NDUFS4: variants seen among roughly 807,000 people sequenced by gnomAD.
NDUFS4 encodes the protein NADH dehydrogenase [ubiquinone] iron-sulfur protein 4, mitochondrial.
NDUFS4 carries 28 observed loss-of-function variants against 24.3 expected under a neutral mutation model. The observed-to-expected ratio is 1.15, with a 90% CI of 0.85 to 1.58. The LOEUF (loss-of-function observed/expected upper bound fraction) is 1.58, where lower values mean the gene tolerates loss of function less well. NDUFS4 is among the 40% of genes most tolerant of loss of function. The pLI is 0.00. For synonymous variants in NDUFS4, 93 were observed against 69.7 expected (o/e 1.34, Z -1.67); for missense variants, 223 against 207.9 (o/e 1.07, Z -0.45).
intron 2 of NDUFS4, among the ~76,000 whole-genome samples, chr5:53,619,192 C>T (rs980468222): frequency 5.5e-5 from 8 of 144,294 alleles, no homozygotes; most frequent in East Asian, 2.1e-4. Context: ...CATTAGAGGC[C>T]GGGCACGGTG....
At chr5:53,679,773 C>T (rs1740597133) in intron 4 of NDUFS4, among the ~76,000 whole-genome samples, 1 of 152,030 alleles carries the variant, frequency 6.6e-6, no homozygotes, top group Non-Finnish European at 1.5e-5. Context: ...TCTTTATTGA[C>T]CTGGAGAGTG....
At chr5:53,613,049 A>G (rs1474544871) in intron 2 of NDUFS4, among the ~76,000 whole-genome samples, 1 of 152,140 alleles carries the variant, frequency 6.6e-6, no homozygotes, top group Admixed American at 6.6e-5. Context: ...CTACACAAAA[A>G]GATAACCTTA....
At chr5:53,645,351 G>A (rs1280005122) in intron 2 of NDUFS4, among the ~76,000 whole-genome samples, 1 of 152,076 alleles carries the variant, frequency 6.6e-6, no homozygotes, top group Non-Finnish European at 1.5e-5. Flanking sequence ...TTGAGCAGTA[G>A]GATATAAATA....
At chr5:53,636,692 G>A (rs948614195) in intron 2 of NDUFS4, among the ~76,000 whole-genome samples, 1 of 152,162 alleles carries the variant, frequency 6.6e-6, no homozygotes, top group Non-Finnish European at 1.5e-5. Context: ...CCCGACATTG[G>A]AGGTGGAGCC....
chr5:53,683,136 A>AAG lies in NDUFS4; in HGVS notation c.448_449dup (p.Lys151GlyfsTer39), dbSNP rs759862206. ...CTCCTAGGATGGAGCTATGACATTG[A>AAG]AGAGAGGAAGGTTCCAAAACCCAAG... On this transcript the variant is annotated frameshift_variant, in exon 5 of 5. Transcript: ENST00000296684. LOFTEE classifies it high-confidence loss of function. 5.0e-6 allele frequency: 8 copies of AAG among 1,606,798 alleles called. No homozygotes were observed. Among genetic ancestry groups the AAG allele is most frequent in the Non-Finnish European group, 6.8e-6 (8 of 1,173,706 alleles).
intron 4 of NDUFS4, among the ~76,000 whole-genome samples, chr5:53,680,189 G>T (rs1380531443): frequency 6.6e-6 from 1 of 152,024 alleles, no homozygotes; most frequent in Non-Finnish European, 1.5e-5. Context: ...TTAAGGTAAT[G>T]TAAAATTAAG....
intron 1 of NDUFS4, among the ~76,000 whole-genome samples, chr5:53,566,455 C>T (rs963611067): frequency 1.3e-5 from 2 of 152,160 alleles, no homozygotes; most frequent in African/African-American, 2.4e-5. Context: ...CCTGTATTAT[C>T]TCATGTGTTT....
intron 1 of NDUFS4, among the ~76,000 whole-genome samples, chr5:53,601,913 A>C (rs1373120510): frequency 1.3e-5 from 2 of 152,120 alleles, no homozygotes; most frequent in Admixed American, 1.3e-4. Flanking sequence ...TTTTATTATT[A>C]GTTATTGTTA....
At chr5:53,621,872 T>G (rs1348547376) in intron 2 of NDUFS4, among the ~76,000 whole-genome samples, 1 of 151,830 alleles carries the variant, frequency 6.6e-6, no homozygotes, top group African/African-American at 2.4e-5. Flanking sequence ...CGGCTAATTT[T>G]TGTATTTTTA....
intron 2 of NDUFS4, among the ~76,000 whole-genome samples, chr5:53,629,447 T>G (rs1751333504): frequency 6.6e-6 from 1 of 152,172 alleles, no homozygotes; most frequent in South Asian, 2.1e-4. Flanking sequence ...TAATTTTCTG[T>G]CTCGTTGATG....
intron 3 of NDUFS4, among the ~76,000 whole-genome samples, chr5:53,648,719 G>A (rs939765441): frequency 3.9e-5 from 6 of 152,076 alleles, no homozygotes; most frequent in African/African-American, 1.4e-4. Context: ...AGTTAATAAT[G>A]GCAATACTAT....
intron 1 of NDUFS4, among the ~76,000 whole-genome samples, chr5:53,571,077 A>G (rs1749196083): frequency 6.6e-6 from 1 of 152,148 alleles, no homozygotes; most frequent in Non-Finnish European, 1.5e-5. Flanking sequence ...TAATTTATAT[A>G]TTATAAAATT....
intron 3 of NDUFS4, among the ~76,000 whole-genome samples, chr5:53,652,604 A>T (rs1332794016): frequency 6.6e-6 from 1 of 152,196 alleles, no homozygotes; most frequent in African/African-American, 2.4e-5. Flanking sequence ...TTTGGTTCAC[A>T]TGTAGGATTT....
At chr5:53,588,085 A>G (rs771321152) in intron 1 of NDUFS4, among the ~76,000 whole-genome samples, 11 of 152,210 alleles carry the variant, frequency 7.2e-5, no homozygotes, top group Non-Finnish European at 1.2e-4. Context: ...GACCACCACT[A>G]GATTGTGCAA....
intron 4 of NDUFS4, among the ~76,000 whole-genome samples, chr5:53,667,029 C>G (rs1013122169): frequency 1.3e-5 from 2 of 152,144 alleles, no homozygotes; most frequent in African/African-American, 2.4e-5. Flanking sequence ...AATGATTATT[C>G]CACTCTTGAT....
At chr5:53,632,374 T>A (rs1163376270) in intron 2 of NDUFS4, among the ~76,000 whole-genome samples, 1 of 152,228 alleles carries the variant, frequency 6.6e-6, no homozygotes, top group African/African-American at 2.4e-5. Context: ...GTTTTACCTT[T>A]CTTGTGTCTC....
At chr5:53,674,387 C>T (rs1319768846) in intron 4 of NDUFS4, among the ~76,000 whole-genome samples, 1 of 152,156 alleles carries the variant, frequency 6.6e-6, no homozygotes, top group Non-Finnish European at 1.5e-5. Context: ...TGGTCTACTT[C>T]AAGGTACAAG....
intron 1 of NDUFS4, among the ~76,000 whole-genome samples, chr5:53,589,830 A>G (rs549867538): frequency 6.6e-5 from 10 of 152,318 alleles, no homozygotes; most frequent in African/African-American, 9.6e-5. Context: ...CCTCCCAGCC[A>G]TACATCTTTC....
At chr5:53,623,764 G>C (rs1047706142) in intron 2 of NDUFS4, among the ~76,000 whole-genome samples, 2 of 152,082 alleles carry the variant, frequency 1.3e-5, no homozygotes, top group Non-Finnish European at 2.9e-5. Context: ...TGTCACCCAG[G>C]CTAGAGTGCA....
Sources: allele counts gnomAD v4.1 joint callset (sites outside exome capture counted in the v4.1 genomes callset), GRCh38; gene constraint gnomAD v4.1.1; transcripts MANE v1.5; gene names NCBI Gene and HGNC (gene_info 2026-07-23, HGNC 2026-07-21).